PDPN: variants seen among roughly 807,000 people sequenced by gnomAD.
The protein encoded by PDPN is PA2.26 antigen.
Under a neutral mutation model 23.2 loss-of-function variants are expected in PDPN, and 12 were observed. That is an observed-to-expected ratio of 0.52 (90% confidence interval 0.33 to 0.84). PDPN has a LOEUF of 0.84. PDPN is among the 40% of genes least tolerant of loss of function. The pLI is 0.02. For missense variants in PDPN, 199 were observed against 212.2 expected (o/e 0.94, Z 0.39); for synonymous variants, 77 against 76.7 (o/e 1.00, Z -0.02).
chr1:13,611,587 G>A (rs1467401569), intron 3 of PDPN, among the ~76,000 whole-genome samples: 1 of 152,182 alleles, frequency 6.6e-6, no homozygotes, highest in Admixed American at 6.6e-5. Context: ...AGGAGAATGA[G>A]GAGTTACTGT....
intron 1 of PDPN, among the ~76,000 whole-genome samples, chr1:13,590,868 G>T (rs1212926188): frequency 6.6e-6 from 1 of 151,132 alleles, no homozygotes; most frequent in Non-Finnish European, 1.5e-5. Flanking sequence ...AGGTGCGGTG[G>T]AGGGGCGGGT....
intron 1 of PDPN, among the ~76,000 whole-genome samples, chr1:13,584,998 C>T (rs758858372): frequency 6.6e-6 from 1 of 152,132 alleles, no homozygotes; most frequent in African/African-American, 2.4e-5. Flanking sequence ...TTTTATATTT[C>T]CTCAATAGAA....
In PDPN at chr1:13,603,537, T is replaced by A. The variant is rs536248505; in HGVS notation, c.68-3636T>A. Among the ~76,000 whole-genome samples the A allele has an allele frequency of 4.6e-5, 7 of 152,172 alleles. No individual in the cohort carries two copies. In the East Asian group the frequency reaches 7.7e-4, roughly 17 times the overall value. On this transcript the variant is annotated intron_variant, in intron 1 of 5. Coordinates refer to ENST00000621990, the MANE Select transcript of PDPN (RefSeq NM_006474.5). The stretch of plus-strand genomic sequence containing the variant: ...GTTCTCAAAAATTAAGAACCCCAAG[T>A]GACAGTTGATTTATCAAATCATCTT...
At chr1:13,611,382 G>A (rs899746815) in intron 3 of PDPN, among the ~76,000 whole-genome samples, 1 of 124,822 alleles carries the variant, frequency 8.0e-6, no homozygotes, top group Admixed American at 7.7e-5. Context: ...TGTATATGAC[G>A]GAATATTATT....
intron 1 of PDPN, among the ~76,000 whole-genome samples, chr1:13,600,765 G>A (rs1164570069): frequency 6.6e-6 from 1 of 152,122 alleles, no homozygotes; most frequent in Non-Finnish European, 1.5e-5. Flanking sequence ...AAGGGGCATT[G>A]CAGTAGGGAG....
At chr1:13,607,404 T>C (rs1640819127) in intron 2 of PDPN, 98 bp downstream of exon 2, 4 of 864,978 alleles carry the variant, frequency 4.6e-6, no homozygotes, top group Non-Finnish European at 6.5e-6. Context: ...AATATATCTA[T>C]CTATAAAATC....
chr1:13,595,777 C>T (rs532834378), intron 1 of PDPN: 1 of 902,198 alleles, frequency 1.1e-6, no homozygotes, highest in East Asian at 6.1e-5. Context: ...GCCAAGTTCC[C>T]CTTTGCAGGT....
chr1:13,588,640 CT>C (rs1163378962), intron 1 of PDPN, among the ~76,000 whole-genome samples: 2 of 146,416 alleles, frequency 1.4e-5, no homozygotes, highest in African/African-American at 2.5e-5. Flanking sequence ...AAATATATAA[CT>C]ATATATTATA....
chr1:13,608,355 A>G (rs911201900), intron 2 of PDPN, among the ~76,000 whole-genome samples: 1 of 152,200 alleles, frequency 6.6e-6, no homozygotes, highest in African/African-American at 2.4e-5. Context: ...TCGACCTTTG[A>G]GGGAATCTAT....
intron 2 of PDPN, 24 bp from the exon 3 acceptor site, chr1:13,610,363 T>A: frequency 6.2e-7 from 1 of 1,604,874 alleles, no homozygotes; most frequent in Non-Finnish European, 8.5e-7. Flanking sequence ...ATTTCCTGTT[T>A]TTCCTCATTT....
intron 1 of PDPN, among the ~76,000 whole-genome samples, chr1:13,592,392 T>TA (rs1481822192): frequency 6.6e-6 from 1 of 151,502 alleles, no homozygotes. Context: ...AGTCCAAGCT[T>TA]ACAGCGATTT....
chr1:13,603,591 CT>C (rs200337029), intron 1 of PDPN, among the ~76,000 whole-genome samples: 2,017 of 140,600 alleles, frequency 0.014, 38 homozygotes, highest in East Asian at 0.12. Context: ...TTCAGCCTAG[CT>C]TTTTTTTTTT....
At chr1:13,594,960 A>C (rs1280554488) in intron 1 of PDPN, among the ~76,000 whole-genome samples, 2 of 149,798 alleles carry the variant, frequency 1.3e-5, no homozygotes, top group African/African-American at 2.5e-5. Flanking sequence ...GCGCCACTGC[A>C]CTCCAGCCTG....
At chr1:13,586,924 C>T (rs1020414973) in intron 1 of PDPN, among the ~76,000 whole-genome samples, 4 of 152,092 alleles carry the variant, frequency 2.6e-5, no homozygotes, top group Admixed American at 6.5e-5. Context: ...TGGTGGTGCG[C>T]GCCTGTAGTC....
At chr1:13,585,372 A>G (rs368055875) in intron 1 of PDPN, 21 of 592,858 alleles carry the variant, frequency 3.5e-5, no homozygotes, top group African/African-American at 1.9e-4. Context: ...CTCTTTTTAT[A>G]GGGGCCGTGG....
chr1:13,614,352 C>A lies in PDPN; in HGVS notation c.423C>A (p.Ala141=). Residue 141 remains alanine, a synonymous_variant, in exon 5 of 6, where the codon GCC becomes GCA. Coordinates refer to ENST00000621990, the MANE Select transcript of PDPN (RefSeq NM_006474.5). ...GAATCATAGTTGGGGTCTTACTAGC[C>A]ATCGGCTTCATTGGTGCAATCATCG... ...LVGIIVGVLL[A]IGFIGAIIVV... The A allele has an allele frequency of 4.3e-6, 7 of 1,609,880 alleles. No individual in the cohort carries two copies. The East Asian group carries it at 1.6e-4, about 36-fold the overall frequency.
At chr1:13,596,231 G>A (rs1640494124) in intron 1 of PDPN, among the ~76,000 whole-genome samples, 1 of 150,804 alleles carries the variant, frequency 6.6e-6, no homozygotes, top group Admixed American at 6.6e-5. Context: ...CTACCTGAAT[G>A]TATAAATGTA....
intron 1 of PDPN, among the ~76,000 whole-genome samples, chr1:13,591,162 G>A (rs958054028): frequency 2.6e-5 from 4 of 152,036 alleles, no homozygotes; most frequent in African/African-American, 7.2e-5. Flanking sequence ...GGATGGTCTC[G>A]AACTCCTGAC....
At chr1:13,585,484 A>G in intron 1 of PDPN, 2 of 1,336,818 alleles carry the variant, frequency 1.5e-6, no homozygotes, top group Non-Finnish European at 2.0e-6. Flanking sequence ...CAATGTGCAA[A>G]TGACACCGTT....
Sources: gnomAD v4.1 joint callset for allele counts (sites outside exome capture counted in the v4.1 genomes callset) on GRCh38, gnomAD v4.1.1 for gene constraint, MANE v1.5 for transcripts, NCBI Gene and HGNC (gene_info 2026-07-23, HGNC 2026-07-21) for gene names.